The following SPOCK1 variants were observed in gnomAD, a reference collection of about 807,000 sequenced individuals.
The protein encoded by SPOCK1 is testican-1.
In SPOCK1, 23 loss-of-function variants were observed where a neutral mutation model predicts 55.3. That is an observed-to-expected ratio of 0.42 (90% CI 0.30 to 0.59). SPOCK1 has a LOEUF of 0.59. SPOCK1 is among the 20% of genes least tolerant of loss of function. The pLI is 0.22. For synonymous variants in SPOCK1, 226 were observed against 221.0 expected (o/e 1.02, Z -0.20); for missense variants, 499 against 552.5 (o/e 0.90, Z 0.97).
intron 3 of SPOCK1, among the ~76,000 whole-genome samples, chr5:137,235,536 T>C (rs747634228): frequency 6.6e-6 from 1 of 152,030 alleles, no homozygotes. Context: ...GTTAGAGAAA[T>C]GAGTATGGGC....
At chr5:137,039,270 CT>C (rs11479277) in intron 6 of SPOCK1, among the ~76,000 whole-genome samples, 5,956 of 86,732 alleles carry the variant, frequency 0.069, 81 homozygotes, top group East Asian at 0.18. Context: ...GCCTGCCACA[CT>C]TTTTTTTTTT....
chr5:137,257,840 C>T (rs1209981886), intron 3 of SPOCK1, among the ~76,000 whole-genome samples: 1 of 152,192 alleles, frequency 6.6e-6, no homozygotes, highest in Non-Finnish European at 1.5e-5. Flanking sequence ...GTCAGGGCAC[C>T]TCAAACACAT....
At chr5:137,279,792 G>A (rs542633531) in intron 2 of SPOCK1, among the ~76,000 whole-genome samples, 5 of 152,328 alleles carry the variant, frequency 3.3e-5, no homozygotes, top group Admixed American at 3.3e-4. Flanking sequence ...GGGACAAGAA[G>A]CAAGCTCACA....
At chr5:137,127,233 AC>A (rs1374587941) in intron 4 of SPOCK1, among the ~76,000 whole-genome samples, 1 of 152,232 alleles carries the variant, frequency 6.6e-6, no homozygotes. Context: ...GGGCTGCTCT[AC>A]CCATCACAGG....
At chr5:137,463,763 C>T (rs1159083539) in intron 2 of SPOCK1, among the ~76,000 whole-genome samples, 1 of 151,162 alleles carries the variant, frequency 6.6e-6, no homozygotes, top group Non-Finnish European at 1.5e-5. Flanking sequence ...GCTTGGCCAA[C>T]ATGGCAAAAC....
chr5:137,344,116 G>GC (rs991532827), intron 2 of SPOCK1, among the ~76,000 whole-genome samples: 94 of 152,238 alleles, frequency 6.2e-4, no homozygotes, highest in African/African-American at 2.1e-3. Flanking sequence ...TTTAATTATC[G>GC]CAAAGAGATT....
chr5:137,304,413 C>T (rs1757664623), intron 2 of SPOCK1, among the ~76,000 whole-genome samples: 1 of 152,108 alleles, frequency 6.6e-6, no homozygotes. Flanking sequence ...CCAGAAGGCC[C>T]TCAAATGAAG....
intron 2 of SPOCK1, among the ~76,000 whole-genome samples, chr5:137,313,988 C>G (rs1757833033): frequency 6.6e-6 from 1 of 150,794 alleles, no homozygotes. Context: ...ACCACACCCA[C>G]CTGCAGACAT....
At chr5:137,328,871 T>C (rs1412606711) in intron 2 of SPOCK1, among the ~76,000 whole-genome samples, 1 of 152,194 alleles carries the variant, frequency 6.6e-6, no homozygotes, top group Non-Finnish European at 1.5e-5. Context: ...TTTTGCTACC[T>C]GCAATTCTTT....
At chr5:137,085,491 C>G (rs1752946670) in intron 5 of SPOCK1, among the ~76,000 whole-genome samples, 1 of 152,114 alleles carries the variant, frequency 6.6e-6, no homozygotes, top group Non-Finnish European at 1.5e-5. Flanking sequence ...ATAGAGAGGC[C>G]TGTGGGGAGA....
chr5:137,141,023 G>A (rs955905509), intron 3 of SPOCK1, among the ~76,000 whole-genome samples: 81 of 152,212 alleles, frequency 5.3e-4, no homozygotes, highest in African/African-American at 1.9e-3. Flanking sequence ...ACCTCCCAAA[G>A]TGCTGGGATT....
chr5:137,183,066 C>T (rs1479727129), intron 3 of SPOCK1, among the ~76,000 whole-genome samples: 3 of 152,106 alleles, frequency 2.0e-5, no homozygotes, highest in Admixed American at 6.5e-5. Flanking sequence ...TAGTCTCTAC[C>T]GGGAAGGAAC....
intron 2 of SPOCK1, among the ~76,000 whole-genome samples, chr5:137,338,070 C>T (rs957912062): frequency 7.2e-5 from 11 of 152,204 alleles, no homozygotes; most frequent in South Asian, 6.2e-4. Flanking sequence ...ATGTGCACAA[C>T]GTGCAGGTTA....
At chr5:137,076,628 A>G (rs869029889) in intron 5 of SPOCK1, among the ~76,000 whole-genome samples, 1 of 136,150 alleles carries the variant, frequency 7.3e-6, no homozygotes, top group Non-Finnish European at 1.5e-5. Context: ...AAAAAAAAAA[A>G]GAATGGTTGA....
At chr5:137,123,737 G>T (rs1224302484) in intron 4 of SPOCK1, among the ~76,000 whole-genome samples, 1 of 152,104 alleles carries the variant, frequency 6.6e-6, no homozygotes. Context: ...TACTGCAAGA[G>T]TTCAAGCAGA....
intron 3 of SPOCK1, among the ~76,000 whole-genome samples, chr5:137,157,454 A>C (rs1339019721): frequency 2.6e-5 from 4 of 152,088 alleles, no homozygotes; most frequent in Non-Finnish European, 4.4e-5. Flanking sequence ...ACTAGGTTGG[A>C]CCCTGCTTTT....
intron 3 of SPOCK1, among the ~76,000 whole-genome samples, chr5:137,218,357 A>G (rs972139669): frequency 6.6e-6 from 1 of 152,390 alleles, no homozygotes; most frequent in Admixed American, 6.5e-5. Flanking sequence ...TGACCACATC[A>G]TCAGGTGCCA....
At position 137,264,340 on chromosome 5, in the gene SPOCK1, G is replaced by T. The variant is rs375411288; in HGVS notation, c.232+2670C>A. 4.6e-5 allele frequency among the ~76,000 whole-genome samples: 7 copies of T among 152,294 alleles called. No homozygotes were observed. The East Asian group carries it at 7.7e-4, about 17-fold the overall frequency. On this transcript the variant is annotated intron_variant, in intron 3 of 10. Transcript: ENST00000394945. ...ACTTTCTATGGCACCCCACTGCCAA[G>T]AAAACAAAGTTCAAATTTGGCTGAT...
chr5:136,995,167 T>A (rs1359329464), intron 6 of SPOCK1, among the ~76,000 whole-genome samples: 3 of 152,098 alleles, frequency 2.0e-5, no homozygotes, highest in African/African-American at 7.2e-5. Flanking sequence ...AGGTTAGCGA[T>A]CATTTTGGGC....
Sources: allele counts gnomAD v4.1 joint callset (sites outside exome capture counted in the v4.1 genomes callset), GRCh38; gene constraint gnomAD v4.1.1; transcripts MANE v1.5; gene names NCBI Gene and HGNC (gene_info 2026-07-23, HGNC 2026-07-21).